Variants in C8B observed in about 807,000 individuals in gnomAD.
The protein encoded by C8B is complement component C8 beta chain.
C8B carries 67 observed loss-of-function variants against 64.6 expected under a neutral mutation model. The observed-to-expected ratio is 1.04, with a 90% CI of 0.85 to 1.27. The LOEUF (loss-of-function observed/expected upper bound fraction) is 1.27, where lower values mean the gene tolerates loss of function less well. Ranked by LOEUF, C8B falls within the 50% of genes most tolerant of loss-of-function variation. The pLI, the probability that C8B is intolerant of heterozygous loss-of-function variation, is 0.00. For missense variants in C8B, 790 were observed against 725.2 expected (o/e 1.09, Z -1.03); for synonymous variants, 284 against 257.7 (o/e 1.10, Z -0.98).
In C8B at chr1:56,929,497, A is replaced by G. The variant is rs1362333849; in HGVS notation, c.1683T>C (p.Arg561=). ...TGTTACACTGCCTTTGTCTTGTCTTACGTCTTCCAGAGCATGAAGACCAAT... is the reference window on the plus strand; with the variant it reads ...TGTTACACTGCCTTTGTCTTGTCTTGCGTCTTCCAGAGCATGAAGACCAAT... ...WSNWSSCSGR[R]KTRQRQCNNP... is the part of the protein sequence containing the mutation. Residue 561 remains arginine (R), a synonymous_variant, in exon 12 of 12, where the codon CGT becomes CGC. Coordinates refer to ENST00000371237, the MANE Select transcript of C8B (RefSeq NM_000066.4). 1 of 1,613,786 alleles carries G rather than the reference A, an allele frequency of 6.2e-7. No individual in the cohort carries two copies. The highest frequency in any genetic ancestry group is 8.5e-7 in the Non-Finnish European group (1 of 1,179,904).
At chr1:56,942,833 T>A (rs909909296) in intron 8 of C8B, among the ~76,000 whole-genome samples, 7 of 151,714 alleles carry the variant, frequency 4.6e-5, no homozygotes, top group African/African-American at 1.7e-4. Flanking sequence ...ACTTTGAGGG[T>A]ACCGAGGCTT....
At chr1:56,955,028 C>T (rs537039918) in intron 3 of C8B, among the ~76,000 whole-genome samples, 2 of 152,214 alleles carry the variant, frequency 1.3e-5, no homozygotes, top group South Asian at 2.1e-4. Flanking sequence ...GCAGAAGAGG[C>T]CAGTGTTGTA....
chr1:56,933,373 C>T lies in C8B; in HGVS notation c.1514G>A (p.Cys505Tyr), dbSNP rs749145544. 2 of 1,613,832 alleles carry T rather than the reference C, an allele frequency of 1.2e-6. No individual in the cohort carries two copies. Among genetic ancestry groups the T allele is most frequent in the Non-Finnish European group, 1.7e-6 (2 of 1,179,754 alleles). The part of the protein sequence containing the change: ...EFQKEVSSCH[C>Y]APCQGNGVPV... ...GACTCCATTTCCTTGGCAGGGAGCACAGTGGCAGGAACTAACTTCCTTCTG... is the reference window on the plus strand; with the variant it reads ...GACTCCATTTCCTTGGCAGGGAGCATAGTGGCAGGAACTAACTTCCTTCTG... Residue 505 changes from cysteine (C) to tyrosine (Y), a missense_variant, in exon 10 of 12, where the codon TGT (cysteine) becomes TAT (tyrosine). By Grantham distance (194) the Cys-to-Tyr change is radical (BLOSUM62 -2). Coordinates refer to ENST00000371237, the MANE Select transcript of C8B (RefSeq NM_000066.4).
intron 3 of C8B, among the ~76,000 whole-genome samples, chr1:56,956,519 T>C (rs1341150305): frequency 6.6e-6 from 1 of 152,256 alleles, no homozygotes; most frequent in Non-Finnish European, 1.5e-5. Context: ...TTACCTGCTA[T>C]ATGAAGAAGT....
chr1:56,963,167 G>A (rs1645202227), intron 1 of C8B, among the ~76,000 whole-genome samples: 2 of 152,146 alleles, frequency 1.3e-5, no homozygotes, highest in African/African-American at 4.8e-5. Context: ...GCCAGCATTA[G>A]GACACATTTA....
chr1:56,936,513 A>AT lies in C8B; in HGVS notation c.1399-3026_1399-3025insA, dbSNP rs1557728244. On this transcript the variant is annotated intron_variant, in intron 9 of 11. Transcript: ENST00000371237. ...CATATTAAGGATCTCATTTGTGGTA[A>AT]ATTTTTTTTTTTTTTTTTTTGGTGT... Among the ~76,000 whole-genome samples, 13 of 64,930 alleles carry AT rather than the reference A, an allele frequency of 2.0e-4. 1 individual carries two copies. Among genetic ancestry groups the AT allele is most frequent in the Middle Eastern group, 7.6e-3 (1 of 132 alleles). 42.6% of individuals were successfully genotyped at this position (64,930 alleles called of 152,430 possible).
intron 9 of C8B, among the ~76,000 whole-genome samples, chr1:56,934,690 G>A (rs967659822): frequency 2.0e-5 from 3 of 152,138 alleles, no homozygotes; most frequent in Non-Finnish European, 2.9e-5. Context: ...AGTGGGCAAA[G>A]CAAGGCCCCT....
chr1:56,943,503 C>A (rs1644895146), intron 8 of C8B, among the ~76,000 whole-genome samples, 193 bp downstream of exon 8: 1 of 152,076 alleles, frequency 6.6e-6, no homozygotes, highest in South Asian at 2.1e-4. Context: ...ATATAAAGTT[C>A]AAAAATAAGC....
chr1:56,930,781 T>C (rs901913101), intron 11 of C8B, among the ~76,000 whole-genome samples: 2 of 152,198 alleles, frequency 1.3e-5, no homozygotes, highest in African/African-American at 2.4e-5. Context: ...AAGAATTTAA[T>C]ATATATAAGA....
intron 5 of C8B, among the ~76,000 whole-genome samples, chr1:56,951,307 T>G (rs1310746668): frequency 6.6e-6 from 1 of 152,094 alleles, no homozygotes; most frequent in Non-Finnish European, 1.5e-5. Context: ...CGTCCCCCAG[T>G]TTCACAGATG....
chr1:56,956,743 C>T (rs777968221), intron 3 of C8B, 26 bp downstream of exon 3: 4 of 1,612,558 alleles, frequency 2.5e-6, no homozygotes, highest in East Asian at 4.5e-5. Context: ...CAGGCTTTCC[C>T]CTCTTACTCC....
intron 11 of C8B, chr1:56,931,470 G>A: frequency 2.9e-6 from 1 of 340,016 alleles, no homozygotes; most frequent in East Asian, 7.5e-5. Flanking sequence ...TTTTATGGAG[G>A]AGGGGGCATA....
intron 10 of C8B, among the ~76,000 whole-genome samples, chr1:56,933,066 A>C (rs1350648679): frequency 1.3e-5 from 2 of 152,188 alleles, no homozygotes; most frequent in Admixed American, 1.3e-4. Context: ...TACTCAGCCC[A>C]GGCCCCCTTT....
At chr1:56,933,208 C>G in intron 10 of C8B, 127 bp downstream of exon 10, 1 of 823,402 alleles carries the variant, frequency 1.2e-6, no homozygotes, top group East Asian at 2.5e-5. Flanking sequence ...ATACTGACAG[C>G]CAGAGTAGTA....
At chr1:56,949,069 G>T (rs1644983367) in intron 6 of C8B, among the ~76,000 whole-genome samples, 1 of 151,684 alleles carries the variant, frequency 6.6e-6, no homozygotes, top group Non-Finnish European at 1.5e-5. Flanking sequence ...AGAACTAGTT[G>T]TAACGTGGAA....
chr1:56,948,588 G>C (rs1324494545), intron 6 of C8B, among the ~76,000 whole-genome samples: 1 of 152,170 alleles, frequency 6.6e-6, no homozygotes, highest in African/African-American at 2.4e-5. Flanking sequence ...CTCATAGCTT[G>C]TCCCTGTAAA....
At chr1:56,939,683 A>ACT in intron 9 of C8B, among the ~76,000 whole-genome samples, 1 of 151,664 alleles carries the variant, frequency 6.6e-6, no homozygotes, top group South Asian at 2.1e-4. Flanking sequence ...ACATTGTAAA[A>ACT]CTCCTCTAGT....
At chr1:56,947,465 T>G (rs1385162794) in intron 6 of C8B, among the ~76,000 whole-genome samples, 1 of 152,206 alleles carries the variant, frequency 6.6e-6, no homozygotes, top group Non-Finnish European at 1.5e-5. Context: ...TTCTCCCTTT[T>G]CTGCCCGACA....
In C8B at chr1:56,946,063, T is replaced by G; in HGVS notation, c.865-2A>C. On this transcript the variant is annotated splice_acceptor_variant, in intron 6 of 11. Transcript: ENST00000371237. LOFTEE classifies it high-confidence loss of function. ...GCGTGCATGCAGAAATACGCTTTTC[T>G]AAATGAAATACCAACATGGGAAAAC... 1.2e-6 allele frequency: 2 copies of G among 1,614,106 alleles called. No homozygotes were observed. The highest frequency in any genetic ancestry group is 1.1e-5 in the South Asian group (1 of 91,078).
Sources: allele counts gnomAD v4.1 joint callset (sites outside exome capture counted in the v4.1 genomes callset), GRCh38; gene constraint gnomAD v4.1.1; transcripts MANE v1.5; gene names NCBI Gene and HGNC (gene_info 2026-07-23, HGNC 2026-07-21).